Variants in ARL5B observed in about 807,000 individuals in gnomAD.
The protein encoded by ARL5B is ADP-ribosylation factor-like protein 5B.
ARL5B carries 10 observed loss-of-function variants against 26.9 expected under a neutral mutation model. The ratio of observed to expected loss-of-function variants is 0.37; its 90% CI spans 0.23 to 0.63. The LOEUF (loss-of-function observed/expected upper bound fraction) is 0.63, where lower values mean the gene tolerates loss of function less well. ARL5B is among the 30% of genes least tolerant of loss of function. The pLI is 0.62. For missense variants in ARL5B, 167 were observed against 213.9 expected (o/e 0.78, Z 1.37); for synonymous variants, 87 against 70.4 (o/e 1.24, Z -1.18).
rs112122923 is a variant in ARL5B at position 18,669,759 on chromosome 10, G to A, written c.255+1082G>A. 3.6e-3 allele frequency among the ~76,000 whole-genome samples: 554 copies of A among 152,142 alleles called. 5 individuals carry two copies. Among genetic ancestry groups the A allele is most frequent in the African/African-American group, 0.013 (528 of 41,510 alleles). ...TGTAATCCCAGCACTTTGGGAGGCCGAGGCGGGTGGATCATGAGGTCAGGA... is the reference window on the plus strand; with the variant it reads ...TGTAATCCCAGCACTTTGGGAGGCCAAGGCGGGTGGATCATGAGGTCAGGA... On this transcript the variant is annotated intron_variant, in intron 3 of 5. Coordinates refer to ENST00000377275, the MANE Select transcript of ARL5B (RefSeq NM_178815.5).
chr10:18,669,554 A>G (rs991700789), intron 3 of ARL5B, among the ~76,000 whole-genome samples: 2 of 152,180 alleles, frequency 1.3e-5, no homozygotes, highest in African/African-American at 4.8e-5. Flanking sequence ...ATTTCTTATT[A>G]GAGGCAGATT....
intron 5 of ARL5B, among the ~76,000 whole-genome samples, chr10:18,674,812 G>C (rs902917750): frequency 2.6e-5 from 4 of 152,094 alleles, no homozygotes; most frequent in African/African-American, 7.2e-5. Context: ...CTGAGTCTAA[G>C]TATTCCATTC....
intron 1 of ARL5B, among the ~76,000 whole-genome samples, chr10:18,665,771 C>T (rs2059858807): frequency 6.6e-6 from 1 of 152,136 alleles, no homozygotes; most frequent in African/African-American, 2.4e-5. Flanking sequence ...AGAAGGGGAT[C>T]TTTAGTATAC....
rs770470297 is a variant in ARL5B at position 18,672,602 on chromosome 10, T to G, written c.256-20T>G. The stretch of plus-strand genomic sequence containing the variant: ...AGCATCCCATTCAATTTTCTGTCTT[T>G]CCTTTTAATTTTCTTCTAGTTCATC... On this transcript the variant is annotated intron_variant, in intron 3 of 5. Coordinates refer to ENST00000377275, the MANE Select transcript of ARL5B (RefSeq NM_178815.5). 3.5e-5 allele frequency: 56 copies of G among 1,586,546 alleles called. No individual in the cohort carries two copies. The highest frequency in any genetic ancestry group is 4.4e-5 in the Non-Finnish European group (51 of 1,162,606).
rs1416312729 is a variant in ARL5B, at chr10:18,677,026, T to A, written c.*1810T>A. On this transcript the variant is annotated 3_prime_UTR_variant, in exon 6 of 6. Transcript: ENST00000377275. The stretch of plus-strand genomic sequence containing the variant: ...AGCAGACATAAATCGATATGGATGG[T>A]TTGTGGTGTGTGTGGGATGTGGGGG... 1 of 152,062 alleles carries A rather than the reference T, an allele frequency of 6.6e-6. No homozygotes were observed. Among genetic ancestry groups the A allele is most frequent in the East Asian group, 1.9e-4 (1 of 5,168 alleles). 9.4% of individuals were successfully genotyped at this position (152,062 alleles called of 1,614,324 possible).
intron 1 of ARL5B, among the ~76,000 whole-genome samples, chr10:18,662,230 C>T (rs1472618474): frequency 6.6e-6 from 1 of 152,198 alleles, no homozygotes; most frequent in Non-Finnish European, 1.5e-5. Context: ...CAAGGTAAAT[C>T]GAATGTGCAG....
Position 18,659,631 on chromosome 10 carries a change from G to C in ARL5B, c.-7G>C. The C allele has an allele frequency of 6.2e-7, 1 of 1,609,584 alleles. No homozygotes were observed. Among genetic ancestry groups the C allele is most frequent in the Non-Finnish European group, 8.5e-7 (1 of 1,178,180 alleles). The stretch of plus-strand genomic sequence containing the variant: ...GAGGGACCCCGCGGCCCGCCCCGGT[G>C]CTCGTGATGGGGCTGATCTTCGCCA... On this transcript the variant is annotated 5_prime_UTR_variant, in exon 1 of 6. Coordinates refer to ENST00000377275, the MANE Select transcript of ARL5B (RefSeq NM_178815.5).
rs1590231130 is a variant in ARL5B at position 18,677,163 on chromosome 10, A to G, written c.*1947A>G. 1 of 151,642 alleles carries G rather than the reference A, an allele frequency of 6.6e-6. No homozygotes were observed. Among genetic ancestry groups the G allele is most frequent in the South Asian group, 2.1e-4 (1 of 4,802 alleles). The allele number at this position is 151,642 out of a possible 1,614,324, so 9.4% of individuals were successfully genotyped here. On this transcript the variant is annotated 3_prime_UTR_variant, in exon 6 of 6. Coordinates refer to ENST00000377275, the MANE Select transcript of ARL5B (RefSeq NM_178815.5). ...CCCTAAGTCTGTCCTGAGAAAAAGC[A>G]TACTTAGTACTCCTGTATTTGTTCT... is the stretch of plus-strand genomic sequence containing the variant.
intron 2 of ARL5B, 97 bp downstream of exon 2, chr10:18,666,732 T>A: frequency 9.5e-7 from 1 of 1,053,374 alleles, no homozygotes; most frequent in South Asian, 2.1e-5. Context: ...CGGAAAAACT[T>A]AAATATATGT....
chr10:18,673,947 T>C lies in ARL5B; in HGVS notation c.340-37T>C, dbSNP rs375107685. The C allele has an allele frequency of 1.1e-5, 17 of 1,557,166 alleles. No homozygotes were observed. In the South Asian group the frequency reaches 1.7e-4, roughly 15 times the overall value. On this transcript the variant is annotated intron_variant, in intron 4 of 5. Coordinates refer to ENST00000377275, the MANE Select transcript of ARL5B (RefSeq NM_178815.5). ...TCAGCTGGGTAAATTTAAATTGTGG[T>C]ATTTCACATATTAGAAATATTTTGT... is the stretch of plus-strand genomic sequence containing the variant.
In ARL5B at chr10:18,675,240, T is replaced by C; in HGVS notation, c.*24T>C. ...AACTTTTTTGCTTGAAAGAGACTGCTCTATTTATTCTGTGACATGAACATT... is the reference window on the plus strand; with the variant it reads ...AACTTTTTTGCTTGAAAGAGACTGCCCTATTTATTCTGTGACATGAACATT... On this transcript the variant is annotated 3_prime_UTR_variant, in exon 6 of 6. Coordinates refer to ENST00000377275, the MANE Select transcript of ARL5B (RefSeq NM_178815.5). 3 of 1,607,406 alleles carry C rather than the reference T, an allele frequency of 1.9e-6. No individual in the cohort carries two copies. Among genetic ancestry groups the C allele is most frequent in the Non-Finnish European group, 2.6e-6 (3 of 1,174,046 alleles).
At chr10:18,674,532 C>T (rs1204080239) in intron 5 of ARL5B, among the ~76,000 whole-genome samples, 1 of 152,064 alleles carries the variant, frequency 6.6e-6, no homozygotes, top group Non-Finnish European at 1.5e-5. Context: ...AAGAGTATGT[C>T]TTCTTTATTA....
In ARL5B at chr10:18,672,723, A is replaced by G. The variant is rs1326183808; in HGVS notation, c.339+18A>G. On this transcript the variant is annotated intron_variant, in intron 4 of 5. Coordinates refer to ENST00000377275, the MANE Select transcript of ARL5B (RefSeq NM_178815.5). ...CTCATGAGGTAAATTTTTAAAGTAA[A>G]TCTTTAAAAAACAGTGTAGTAAAGT... is the stretch of plus-strand genomic sequence containing the variant. 1.9e-6 allele frequency: 3 copies of G among 1,562,270 alleles called. No individual in the cohort carries two copies. Among genetic ancestry groups the G allele is most frequent in the East Asian group, 2.3e-5 (1 of 44,400 alleles).
At position 18,675,583 on chromosome 10, in the gene ARL5B, C is replaced by G. The variant is rs138497131; in HGVS notation, c.*367C>G. ...TCAATTCTTGACCAGCACTCCCTCCCAACCAGAGAATTACTGGTTTGATAG... is the reference window on the plus strand; with the variant it reads ...TCAATTCTTGACCAGCACTCCCTCCGAACCAGAGAATTACTGGTTTGATAG... On this transcript the variant is annotated 3_prime_UTR_variant, in exon 6 of 6. Coordinates refer to ENST00000377275, the MANE Select transcript of ARL5B (RefSeq NM_178815.5). 2.0e-3 allele frequency: 400 copies of G among 201,748 alleles called. 3 individuals are homozygous for G. The highest frequency in any genetic ancestry group is 8.9e-3 in the African/African-American group (385 of 43,050). The allele number at this position is 201,748 out of a possible 1,614,324, so 12.5% of individuals were successfully genotyped here.
chr10:18,667,580 C>G (rs2059867044), intron 2 of ARL5B, among the ~76,000 whole-genome samples: 1 of 152,094 alleles, frequency 6.6e-6, no homozygotes, highest in Non-Finnish European at 1.5e-5. Flanking sequence ...AATTGCAAGC[C>G]TCCTCCAACA....
At chr10:18,666,724 G>C (rs1185116445) in intron 2 of ARL5B, 89 bp downstream of exon 2, 1 of 1,124,642 alleles carries the variant, frequency 8.9e-7, no homozygotes, top group Admixed American at 2.8e-5. Context: ...AATAATGACG[G>C]AAAAACTTAA....
rs1465515833 is a variant in ARL5B, at chr10:18,677,501, A to G, written c.*2285A>G. The G allele has an allele frequency of 1.3e-5, 2 of 152,242 alleles. No individual in the cohort carries two copies. The highest frequency in any genetic ancestry group is 3.0e-5 in the Non-Finnish European group (2 of 67,756). The allele number at this position is 152,242 out of a possible 1,614,324, so 9.4% of individuals were successfully genotyped here. A position where few individuals can be genotyped will look rare whatever the true frequency, so the allele number is the denominator to read the frequency against. Reference sequence around the variant, plus strand: ...TGCTGATTGGGAAAAGTTCATGATTAGGAAATTCATGTAAGACTTTTTAAG... The same window carrying G: ...TGCTGATTGGGAAAAGTTCATGATTGGGAAATTCATGTAAGACTTTTTAAG... On this transcript the variant is annotated 3_prime_UTR_variant, in exon 6 of 6. Coordinates refer to ENST00000377275, the MANE Select transcript of ARL5B (RefSeq NM_178815.5).
chr10:18,674,174 A>T, intron 5 of ARL5B, 39 bp downstream of exon 5: 1 of 1,558,618 alleles, frequency 6.4e-7, no homozygotes, highest in Non-Finnish European at 8.7e-7. Flanking sequence ...GACTTCTTTC[A>T]AATTTCTTCC....
In ARL5B at chr10:18,678,055, C is replaced by T. The variant is rs976942613; in HGVS notation, c.*2839C>T. On this transcript the variant is annotated 3_prime_UTR_variant, in exon 6 of 6. Coordinates refer to ENST00000377275, the MANE Select transcript of ARL5B (RefSeq NM_178815.5). ...GTCCTTCATCTTTAAACCCATCATT[C>T]TTATTGAAGCCCATTTGAGAACTCT... 2.6e-5 allele frequency: 4 copies of T among 151,674 alleles called. No individual in the cohort carries two copies. The highest frequency in any genetic ancestry group is 4.4e-5 in the Non-Finnish European group (3 of 67,736). The allele number at this position is 151,674 out of a possible 1,614,324, so 9.4% of individuals were successfully genotyped here.
Sources: allele counts gnomAD v4.1 joint callset (sites outside exome capture counted in the v4.1 genomes callset), GRCh38; gene constraint gnomAD v4.1.1; transcripts MANE v1.5; gene names NCBI Gene and HGNC (gene_info 2026-07-23, HGNC 2026-07-21).